Variants in EFCAB11 observed in about 807,000 individuals in gnomAD.
The protein encoded by EFCAB11 is EF-hand calcium-binding domain-containing protein 11.
In EFCAB11, 14 loss-of-function variants were observed where a neutral mutation model predicts 23.0. The observed-to-expected ratio is 0.61, with a 90% CI of 0.40 to 0.95. EFCAB11 has a LOEUF of 0.95. Ranked by LOEUF, EFCAB11 falls within the 40% of genes least tolerant of loss-of-function variation. The pLI is 0.00. For missense variants in EFCAB11, 198 were observed against 195.8 expected (o/e 1.01, Z -0.07); for synonymous variants, 65 against 66.6 (o/e 0.98, Z 0.11).
Position 89,932,505 on chromosome 14 carries a change from A to C in EFCAB11, c.319+21T>G, listed in dbSNP as rs1162879217. 7 of 1,602,750 alleles carry C rather than the reference A, an allele frequency of 4.4e-6. No homozygotes were observed. The African/African-American group carries it at 8.1e-5, about 18-fold the overall frequency. On this transcript the variant is annotated intron_variant, in intron 4 of 5. Transcript: ENST00000316738. The stretch of plus-strand genomic sequence containing the variant: ...CTTAAAAGTAATTTTTTTTACATCA[A>C]AACACTTTAGAGACACTTACAGTAG...
At chr14:89,864,234 C>T (rs1035081833) in intron 5 of EFCAB11, among the ~76,000 whole-genome samples, 2 of 152,088 alleles carry the variant, frequency 1.3e-5, no homozygotes, top group African/African-American at 2.4e-5. Context: ...AAAATAATTG[C>T]ATAACTGAGC....
intron 5 of EFCAB11, among the ~76,000 whole-genome samples, chr14:89,909,874 G>C (rs28363745): frequency 0.036 from 5,535 of 152,262 alleles, 335 homozygotes; most frequent in African/African-American, 0.12. Flanking sequence ...CCCTGGCTAA[G>C]GCGAAGTCAG....
chr14:89,923,504 A>G (rs930180967), intron 5 of EFCAB11: 5 of 190,932 alleles, frequency 2.6e-5, no homozygotes, highest in Non-Finnish European at 4.8e-5. Context: ...AGAAGACACA[A>G]AATTTCATGA....
At chr14:89,846,087 T>G (rs1887422233) in intron 5 of EFCAB11, among the ~76,000 whole-genome samples, 1 of 152,228 alleles carries the variant, frequency 6.6e-6, no homozygotes, top group Non-Finnish European at 1.5e-5. Context: ...ACACAGAAAG[T>G]GCACCTATCT....
At chr14:89,918,998 G>A (rs1387576079) in intron 5 of EFCAB11, among the ~76,000 whole-genome samples, 1 of 151,128 alleles carries the variant, frequency 6.6e-6, no homozygotes, top group African/African-American at 2.4e-5. Flanking sequence ...ACAGGACCAG[G>A]GTGGGGGAAC....
intron 5 of EFCAB11, among the ~76,000 whole-genome samples, chr14:89,843,073 C>A (rs1887322334): frequency 6.6e-6 from 1 of 152,088 alleles, no homozygotes; most frequent in African/African-American, 2.4e-5. Flanking sequence ...TGGGCAAGGT[C>A]CACTCCTGTC....
chr14:89,830,098 A>T (rs1337086315), intron 5 of EFCAB11: 1 of 152,192 alleles, frequency 6.6e-6, no homozygotes, highest in African/African-American at 2.4e-5. Context: ...ATCATTATTA[A>T]AATAAAGCGT....
chr14:89,923,989 G>A (rs1317870321), intron 5 of EFCAB11: 1 of 958,978 alleles, frequency 1.0e-6, no homozygotes, highest in Non-Finnish European at 1.2e-6. Flanking sequence ...CATAACAGAA[G>A]AGCCTATTTG....
At chr14:89,900,597 A>T (rs1325229094) in intron 5 of EFCAB11, among the ~76,000 whole-genome samples, 1 of 152,232 alleles carries the variant, frequency 6.6e-6, no homozygotes, top group Non-Finnish European at 1.5e-5. Context: ...ACCTTCCGGA[A>T]CACAGCCAGT....
intron 3 of EFCAB11, among the ~76,000 whole-genome samples, chr14:89,947,881 T>C (rs1891034954): frequency 6.6e-6 from 1 of 152,194 alleles, no homozygotes; most frequent in Non-Finnish European, 1.5e-5. Flanking sequence ...CAGAACTTAC[T>C]TCTGAAATTC....
intron 5 of EFCAB11, among the ~76,000 whole-genome samples, chr14:89,833,519 A>C (rs11626231): frequency 0.05 from 7,576 of 152,280 alleles, 266 homozygotes; most frequent in East Asian, 0.13. Flanking sequence ...ACATTTCTTC[A>C]TTTCAATGAA....
chr14:89,880,557 T>C (rs1888568021), intron 5 of EFCAB11, among the ~76,000 whole-genome samples: 1 of 152,210 alleles, frequency 6.6e-6, no homozygotes, highest in Non-Finnish European at 1.5e-5. Flanking sequence ...GAGACTTCAC[T>C]TCCGTTTTTC....
chr14:89,954,043 GTTTAT>G, intron 1 of EFCAB11, 42 bp from the exon 2 acceptor site: 1 of 1,546,386 alleles, frequency 6.5e-7, no homozygotes, highest in Non-Finnish European at 8.9e-7. Flanking sequence ...GACAGAAATG[GTTTAT>G]TTTTATTACT....
intron 5 of EFCAB11, among the ~76,000 whole-genome samples, chr14:89,883,941 C>CAG (rs2039473034): frequency 6.6e-6 from 1 of 152,034 alleles, no homozygotes; most frequent in South Asian, 2.1e-4. Flanking sequence ...GCCTGGGCAA[C>CAG]AGAGTGAGAC....
chr14:89,954,312 G>A, intron 1 of EFCAB11: 1 of 1,528,310 alleles, frequency 6.5e-7, no homozygotes. Flanking sequence ...TGAGGCAAAG[G>A]GGCTGGCTTT....
intron 5 of EFCAB11, among the ~76,000 whole-genome samples, chr14:89,850,076 C>T (rs1887557381): frequency 6.6e-6 from 1 of 152,130 alleles, no homozygotes; most frequent in African/African-American, 2.4e-5. Flanking sequence ...CCTCTCCTCC[C>T]CACCCCTACT....
At chr14:89,825,709 G>C (rs1206675576) in intron 5 of EFCAB11, among the ~76,000 whole-genome samples, 3 of 151,868 alleles carry the variant, frequency 2.0e-5, no homozygotes, top group Admixed American at 6.6e-5. Flanking sequence ...TTTTAATTTA[G>C]ATGAAAATAT....
At chr14:89,885,812 G>T (rs569967012) in intron 5 of EFCAB11, among the ~76,000 whole-genome samples, 4 of 149,218 alleles carry the variant, frequency 2.7e-5, no homozygotes, top group Admixed American at 2.7e-4. Flanking sequence ...GCAACTAAAA[G>T]AAAGAAAGAA....
intron 5 of EFCAB11, among the ~76,000 whole-genome samples, chr14:89,855,557 G>A (rs763508692): frequency 9.2e-5 from 14 of 151,740 alleles, no homozygotes; most frequent in Non-Finnish European, 1.6e-4. Context: ...TAGGAAAATG[G>A]TTACTATAGC....
Sources: allele counts gnomAD v4.1 joint callset (sites outside exome capture counted in the v4.1 genomes callset), GRCh38; gene constraint gnomAD v4.1.1; transcripts MANE v1.5; gene names NCBI Gene and HGNC (gene_info 2026-07-23, HGNC 2026-07-21).